SPTBN2: variants seen among roughly 807,000 people sequenced by gnomAD.
The protein encoded by SPTBN2 is spectrin beta chain, non-erythrocytic 2.
A neutral mutation model predicts 284.2 loss-of-function variants in SPTBN2; 107 were observed. That is an observed-to-expected ratio of 0.38 (90% CI 0.32 to 0.44). The LOEUF (loss-of-function observed/expected upper bound fraction) is 0.44, where lower values mean the gene tolerates loss of function less well. SPTBN2 is among the 20% of genes least tolerant of loss of function. The pLI is 1.00. For synonymous variants in SPTBN2, 1,289 were observed against 1,354.8 expected, an observed-to-expected ratio of 0.95 and a Z score of 1.07; for missense variants, 2,569 against 3,287.1, an observed-to-expected ratio of 0.78 and a Z score of 5.34.
intron 7 of SPTBN2, 145 bp from the exon 8 acceptor site, chr11:66,713,891 C>T: frequency 2.3e-6 from 2 of 862,290 alleles, no homozygotes; most frequent in Non-Finnish European, 3.8e-6. Context: ...CTGCTCACAG[C>T]CCCTCCCCAC....
At position 66,687,936 on chromosome 11, in the gene SPTBN2, T is replaced by C; in HGVS notation, c.6451-18A>G. ...AGCAGGGGCTGCAAGGACAAGAATC[T>C]GTAAAAGGATGTGCGGGGGTGGAGG... On this transcript the variant is annotated intron_variant, in intron 33 of 37. Coordinates refer to ENST00000533211, the MANE Select transcript of SPTBN2 (RefSeq NM_006946.4). This position sits in a 1 kb window ranked among gnomAD's most constrained non-coding sequence, Gnocchi z 5.2. 6.2e-7 allele frequency: 1 copy of C among 1,614,140 alleles called. No homozygotes were observed. Among genetic ancestry groups the C allele is most frequent in the Non-Finnish European group, 8.5e-7 (1 of 1,180,032 alleles).
chr11:66,691,595 C>A lies in SPTBN2; in HGVS notation c.5254G>T (p.Asp1752Tyr). ...DTSTIGQERVDSANALANGLI... is the reference protein window; with the variant it reads ...DTSTIGQERVYSANALANGLI... Reference sequence around the variant, plus strand: ...CCATTGGCCAGCGCATTGGCGCTATCTACGCGCTCCTGACCGATGGTGCTT... The same window carrying A: ...CCATTGGCCAGCGCATTGGCGCTATATACGCGCTCCTGACCGATGGTGCTT... Residue 1752 changes from aspartate (D) to tyrosine (Y), a missense_variant, in exon 27 of 38, where the codon GAT (aspartate) becomes TAT (tyrosine). Transcript: ENST00000533211. The surrounding 1 kb of genome is among the most constrained non-coding windows in gnomAD (Gnocchi z 8.0). The A allele has an allele frequency of 6.2e-7, 1 of 1,613,882 alleles. No individual in the cohort carries two copies. Among genetic ancestry groups the A allele is most frequent in the South Asian group, 1.1e-5 (1 of 91,090 alleles).
At chr11:66,719,162 C>G (rs968015099) in intron 3 of SPTBN2, among the ~76,000 whole-genome samples, 5 of 152,226 alleles carry the variant, frequency 3.3e-5, no homozygotes, top group African/African-American at 1.2e-4. Flanking sequence ...ACGAGGAAAT[C>G]CTCAAAGAGG....
chr11:66,701,417 C>T (rs1197782011), intron 16 of SPTBN2, 135 bp from the exon 17 acceptor site: 2 of 1,474,052 alleles, frequency 1.4e-6, no homozygotes, highest in African/African-American at 2.8e-5. Context: ...ACCACCTTGA[C>T]CCCCTCTCTC....
At position 66,689,917 on chromosome 11, in the gene SPTBN2, A is replaced by G; in HGVS notation, c.5837T>C (p.Ile1946Thr). The change falls in exon 29 of 38, where the codon ATC (isoleucine) becomes ACC (threonine). Residue 1946 changes from isoleucine to threonine, a missense_variant. Ile to Thr is a moderately conservative substitution (Grantham distance 89). This residue lies in a region of SPTBN2 where 1,130 missense variants were observed against 1,317.3 expected (regional missense o/e 0.86). Coordinates refer to ENST00000533211, the MANE Select transcript of SPTBN2 (RefSeq NM_006946.4). Reference protein sequence around the residue: ...PRDVSSADLVIKNQQGIKAEI... With the variant: ...PRDVSSADLVTKNQQGIKAEI... ...TGCCTTGATGCCTTGCTGGTTCTTG[A>G]TGACTAGATCCGCGGAGGACACATC... 6.2e-7 allele frequency: 1 copy of G among 1,613,816 alleles called. No homozygotes were observed. The highest frequency in any genetic ancestry group is 8.5e-7 in the Non-Finnish European group (1 of 1,179,984).
rs77390836 is a variant in SPTBN2 at position 66,684,496 on chromosome 11, A to G, written c.*1375T>C. ...AAAAAACAAACAGACTTAGTCGGGT[A>G]TGATGGCATGTGCCTGTGGTTCAGG... is the stretch of plus-strand genomic sequence containing the variant. On this transcript the variant is annotated 3_prime_UTR_variant, in exon 38 of 38. Transcript: ENST00000533211. Among the ~76,000 whole-genome samples the G allele has an allele frequency of 0.02, 3,078 of 152,174 alleles. 120 individuals carry two copies. Among genetic ancestry groups the G allele is most frequent in the African/African-American group, 0.069 (2,877 of 41,524 alleles).
intron 3 of SPTBN2, among the ~76,000 whole-genome samples, chr11:66,716,488 AAAAG>A (rs1366244515): frequency 3.3e-5 from 5 of 151,602 alleles, no homozygotes; most frequent in African/African-American, 1.2e-4. Flanking sequence ...TCAAAAAAAA[AAAAG>A]AAAAGAAAAG....
At position 66,691,176 on chromosome 11, in the gene SPTBN2, C is replaced by A; in HGVS notation, c.5565+108G>T. On this transcript the variant is annotated intron_variant, in intron 27 of 37. Coordinates refer to ENST00000533211, the MANE Select transcript of SPTBN2 (RefSeq NM_006946.4). This position sits in a 1 kb window ranked among gnomAD's most constrained non-coding sequence, Gnocchi z 8.0. ...CTCGAAATGGCCCTCGAAAGAGTGCCGTCCTCCCAGCATTTCTGAGCTCTA... is the reference window on the plus strand; with the variant it reads ...CTCGAAATGGCCCTCGAAAGAGTGCAGTCCTCCCAGCATTTCTGAGCTCTA... 2.1e-6 allele frequency: 3 copies of A among 1,410,828 alleles called. No homozygotes were observed. Among genetic ancestry groups the A allele is most frequent in the Non-Finnish European group, 2.8e-6 (3 of 1,066,398 alleles). 87.4% of individuals were successfully genotyped at this position (1,410,828 alleles called of 1,614,324 possible). A position where few individuals can be genotyped will look rare whatever the true frequency, so the allele number is the denominator to read the frequency against.
rs528045168 is a variant in SPTBN2 at position 66,701,792 on chromosome 11, C to G, written c.2679-71G>C. 484 of 1,607,672 alleles carry G rather than the reference C, an allele frequency of 3.0e-4. 4 individuals carry two copies. The South Asian group carries it at 5.2e-3, about 17-fold the overall frequency. On this transcript the variant is annotated intron_variant, in intron 15 of 37. Transcript: ENST00000533211. Reference sequence around the variant, plus strand: ...GTGCCCAGTCCACCTAAGTCCACCTCTCTTAAACACCCAGGAGGGTGTCTC... The same window carrying G: ...GTGCCCAGTCCACCTAAGTCCACCTGTCTTAAACACCCAGGAGGGTGTCTC...
rs1056364419 is a variant in SPTBN2 at position 66,689,259 on chromosome 11, G to A, written c.5950-79C>T. ...CGGCCCCTGGGGAGTCATCCAGGGG[G>A]ACAGGTGATTTCTTTCTTTCTTTCT... On this transcript the variant is annotated intron_variant, in intron 29 of 37. Transcript: ENST00000533211. The A allele has an allele frequency of 1.0e-5, 14 of 1,406,878 alleles. No homozygotes were observed. In the African/African-American group the frequency reaches 1.4e-4, roughly 14 times the overall value. 87.1% of individuals were successfully genotyped at this position (1,406,878 alleles called of 1,614,324 possible). A position where few individuals can be genotyped will look rare whatever the true frequency, so the allele number is the denominator to read the frequency against.
intron 7 of SPTBN2, 26 bp downstream of exon 7, chr11:66,714,065 T>A: frequency 6.2e-7 from 1 of 1,613,284 alleles, no homozygotes; most frequent in Non-Finnish European, 8.5e-7. Flanking sequence ...GCAGCTCTGC[T>A]GCGTTTGCTA....
Position 66,691,583 on chromosome 11 carries a change from C to T in SPTBN2, c.5266G>A (p.Ala1756Thr), listed in dbSNP as rs755055995. Residue 1756 changes from alanine to threonine, a missense_variant, in exon 27 of 38, where the codon GCG (alanine) becomes ACG (threonine). By Grantham distance (58) the Ala-to-Thr change is moderately conservative. This residue lies in a region of SPTBN2 where 1,130 missense variants were observed against 1,317.3 expected (regional missense o/e 0.86). Coordinates refer to ENST00000533211, the MANE Select transcript of SPTBN2 (RefSeq NM_006946.4). This position sits in a 1 kb window ranked among gnomAD's most constrained non-coding sequence, Gnocchi z 8.0. Reference sequence around the variant, plus strand: ...CCAGCAATGAGCCCATTGGCCAGCGCATTGGCGCTATCTACGCGCTCCTGA... The same window carrying T: ...CCAGCAATGAGCCCATTGGCCAGCGTATTGGCGCTATCTACGCGCTCCTGA... ...IGQERVDSAN[A>T]LANGLIAGGH... is the part of the protein sequence containing the mutation. 6.2e-7 allele frequency: 1 copy of T among 1,613,842 alleles called. No individual in the cohort carries two copies. The highest frequency in any genetic ancestry group is 1.7e-5 in the Admixed American group (1 of 60,038).
chr11:66,743,669 C>T (rs921772785), intron 1 of SPTBN2, among the ~76,000 whole-genome samples: 1 of 152,188 alleles, frequency 6.6e-6, no homozygotes, highest in Admixed American at 6.5e-5. Context: ...TGGAAAACCC[C>T]AGAGCTTCTC....
intron 8 of SPTBN2, 109 bp downstream of exon 8, chr11:66,713,522 T>C: frequency 1.2e-6 from 1 of 815,582 alleles, no homozygotes; most frequent in Non-Finnish European, 2.2e-6. Flanking sequence ...GAAGCCCCTG[T>C]ATCAGTTGGT....
At chr11:66,743,012 T>A (rs1464323682) in intron 1 of SPTBN2, among the ~76,000 whole-genome samples, 1 of 152,104 alleles carries the variant, frequency 6.6e-6, no homozygotes, top group Non-Finnish European at 1.5e-5. Flanking sequence ...GAGGATGACA[T>A]CATTTATGTA....
chr11:66,743,245 C>G (rs1294703657), intron 1 of SPTBN2, among the ~76,000 whole-genome samples: 1 of 151,754 alleles, frequency 6.6e-6, no homozygotes, highest in Non-Finnish European at 1.5e-5. Flanking sequence ...AGCTACCTTG[C>G]TCCAATAGGT....
chr11:66,736,027 T>C (rs571517497), intron 1 of SPTBN2, among the ~76,000 whole-genome samples: 1 of 152,320 alleles, frequency 6.6e-6, no homozygotes, highest in Admixed American at 6.5e-5. Context: ...TGAAGTCAGC[T>C]TGGTCTTGGC....
At position 66,692,670 on chromosome 11, in the gene SPTBN2, G is replaced by A. The variant is rs368373337; in HGVS notation, c.5056C>T (p.Arg1686Trp). ...YAGLKELAGE[R>W]RERLQEHLRL... ...AGGTGCTCCTGCAGGCGCTCCCGCCGCTCTCCAGCCAGCTCCTTCAGGCCG... is the reference window on the plus strand; with the variant it reads ...AGGTGCTCCTGCAGGCGCTCCCGCCACTCTCCAGCCAGCTCCTTCAGGCCG... Residue 1686 changes from arginine (R) to tryptophan (W), a missense_variant, in exon 26 of 38, where the codon CGG becomes TGG. Physicochemically the swap from Arg to Trp is moderately radical, Grantham distance 101. This residue lies in a region of SPTBN2 where 1,130 missense variants were observed against 1,317.3 expected (regional missense o/e 0.86). Coordinates refer to ENST00000533211, the MANE Select transcript of SPTBN2 (RefSeq NM_006946.4). 653 of 1,605,486 alleles carry A rather than the reference G, an allele frequency of 4.1e-4. 4 individuals carry two copies. The South Asian group carries it at 5.3e-3, about 13-fold the overall frequency.
At chr11:66,732,651 C>CA (rs58620927), upstream of SPTBN2, among the ~76,000 whole-genome samples, 730 of 75,706 alleles carry the variant, frequency 9.6e-3, 6 homozygotes, top group African/African-American at 0.017. Context: ...CTCTGTCTCT[C>CA]AAAAAAAAAA....
Sources: gnomAD v4.1 joint callset for allele counts (sites outside exome capture counted in the v4.1 genomes callset) on GRCh38, gnomAD v4.1.1 for gene constraint, gnomAD v4.1.1 regional missense constraint, Gnocchi (gnomAD v3.1) non-coding constraint, MANE v1.5 for transcripts, NCBI Gene and HGNC (gene_info 2026-07-23, HGNC 2026-07-21) for gene names.